Variants in SLC16A7 observed in about 807,000 individuals in gnomAD.
SLC16A7 encodes the protein solute carrier family 16 member 7, also known as monocarboxylate transporter 2.
Under a neutral mutation model 34.9 loss-of-function variants are expected in SLC16A7, and 33 were observed. That is an observed-to-expected ratio of 0.94 (90% CI 0.72 to 1.26). The LOEUF is 1.26. Among genes scored for constraint, SLC16A7 ranks in the 50% most tolerant of loss-of-function variants. The pLI, the probability that SLC16A7 is intolerant of heterozygous loss-of-function variation, is 0.00. For synonymous variants in SLC16A7, 201 were observed against 206.6 expected (o/e 0.97, Z 0.23); for missense variants, 573 against 578.1 (o/e 0.99, Z 0.09).
chr12:59,736,460 A>G (rs1428830149), intron 3 of SLC16A7, among the ~76,000 whole-genome samples: 1 of 152,152 alleles, frequency 6.6e-6, no homozygotes, highest in African/African-American at 2.4e-5. Flanking sequence ...TTGTAGGGTG[A>G]GTTCTTGTCT....
intron 2 of SLC16A7, among the ~76,000 whole-genome samples, chr12:59,681,303 G>T (rs971007254): frequency 6.6e-6 from 1 of 152,162 alleles, no homozygotes; most frequent in East Asian, 1.9e-4. Flanking sequence ...TCCCTCCTGG[G>T]CATCCATGCA....
Position 59,764,506 on chromosome 12 carries a change from C to T in SLC16A7, c.218-6713C>T, listed in dbSNP as rs1364784103. ...CCTCCCCCTCCACCACAACAGTCCCCGGTGTGTGATGTTCCCCTTCCTGTG... is the reference window on the plus strand; with the variant it reads ...CCTCCCCCTCCACCACAACAGTCCCTGGTGTGTGATGTTCCCCTTCCTGTG... On this transcript the variant is annotated intron_variant, in intron 3 of 5. Transcript: ENST00000547379. 8.2e-5 allele frequency among the ~76,000 whole-genome samples: 12 copies of T among 146,952 alleles called. No homozygotes were observed. The East Asian group carries it at 1.4e-3, about 18-fold the overall frequency.
At chr12:59,642,776 A>G (rs894534251) in intron 1 of SLC16A7, among the ~76,000 whole-genome samples, 7 of 152,118 alleles carry the variant, frequency 4.6e-5, no homozygotes, top group African/African-American at 1.4e-4. Flanking sequence ...CTAACCATCA[A>G]TTAAGATTGT....
At chr12:59,738,669 T>C (rs1877895552) in intron 3 of SLC16A7, among the ~76,000 whole-genome samples, 1 of 152,190 alleles carries the variant, frequency 6.6e-6, no homozygotes, top group Admixed American at 6.5e-5. Context: ...GACCCACAGA[T>C]GAGCTTTGCC....
intron 2 of SLC16A7, among the ~76,000 whole-genome samples, chr12:59,700,206 A>T (rs570338445): frequency 2.6e-5 from 4 of 151,710 alleles, no homozygotes; most frequent in African/African-American, 9.7e-5. Context: ...TGAAAATGTG[A>T]TCAGAGTCTC....
chr12:59,670,242 G>A (rs1869561700), intron 2 of SLC16A7, among the ~76,000 whole-genome samples: 1 of 152,064 alleles, frequency 6.6e-6, no homozygotes, highest in African/African-American at 2.4e-5. Flanking sequence ...AAGATCATCT[G>A]TCATACAGGA....
intron 1 of SLC16A7, among the ~76,000 whole-genome samples, chr12:59,648,276 C>G (rs1478690029): frequency 6.6e-6 from 1 of 152,064 alleles, no homozygotes; most frequent in Non-Finnish European, 1.5e-5. Flanking sequence ...ATCCATGTCC[C>G]TTAGCTCTAT....
chr12:59,639,763 C>A (rs952678953), intron 1 of SLC16A7, among the ~76,000 whole-genome samples: 1 of 152,152 alleles, frequency 6.6e-6, no homozygotes, highest in African/African-American at 2.4e-5. Context: ...CAACCATTCT[C>A]CAATTTTGTC....
intron 2 of SLC16A7, among the ~76,000 whole-genome samples, chr12:59,702,861 T>G (rs1301611686): frequency 6.6e-6 from 1 of 152,030 alleles, no homozygotes; most frequent in African/African-American, 2.4e-5. Context: ...TCTATTTATA[T>G]TATCTGTAGA....
intron 4 of SLC16A7, among the ~76,000 whole-genome samples, chr12:59,772,309 T>C (rs977498034): frequency 6.6e-6 from 1 of 152,162 alleles, no homozygotes; most frequent in Non-Finnish European, 1.5e-5. Flanking sequence ...GCATTTAATA[T>C]TGTAAATGAA....
At position 59,779,493 on chromosome 12, in the gene SLC16A7, A is replaced by T; in HGVS notation, c.1251A>T (p.Ala417=). ...CCTGTGGGGCTATTGTGGTAGCAGCAAGCGTGTGGCTGCTCATTGGCAATG... is the reference window on the plus strand; with the variant it reads ...CCTGTGGGGCTATTGTGGTAGCAGCTAGCGTGTGGCTGCTCATTGGCAATG... ...YMSCGAIVVA[A]SVWLLIGNAI... The change falls in exon 6 of 6, where the codon GCA becomes GCT. Residue 417 remains alanine, a synonymous_variant. Transcript: ENST00000547379. 1 of 1,609,572 alleles carries T rather than the reference A, an allele frequency of 6.2e-7. No individual in the cohort carries two copies.
At position 59,671,939 on chromosome 12, in the gene SLC16A7, A is replaced by ATATATGTG. The variant is rs1338620396; in HGVS notation, c.-31+16695_-31+16702dup. On this transcript the variant is annotated intron_variant, in intron 2 of 5. Transcript: ENST00000547379. ...TATATATGTATATATCCATATATGT[A>ATATATGTG]TATATGTGTATATATGTATATATGT... Among the ~76,000 whole-genome samples, 2 of 8,852 alleles carry ATATATGTG rather than the reference A, an allele frequency of 2.3e-4. 1 individual carries two copies. The highest frequency in any genetic ancestry group is 4.6e-4 in the Non-Finnish European group (2 of 4,382). The allele number at this position is 8,852 out of a possible 152,430, so 5.8% of individuals were successfully genotyped here. A position where few individuals can be genotyped will look rare whatever the true frequency, so the allele number is the denominator to read the frequency against.
At chr12:59,762,514 G>C (rs1284378491) in intron 3 of SLC16A7, among the ~76,000 whole-genome samples, 1 of 151,888 alleles carries the variant, frequency 6.6e-6, no homozygotes, top group African/African-American at 2.4e-5. Flanking sequence ...TGTCCGTAAG[G>C]GACATATTCA....
chr12:59,771,507 A>G lies in SLC16A7; in HGVS notation c.361+145A>G, dbSNP rs561524472. 4.9e-4 allele frequency: 244 copies of G among 501,890 alleles called. No individual in the cohort carries two copies. The highest frequency in any genetic ancestry group is 4.6e-3 in the African/African-American group (230 of 50,070). 31.1% of individuals were successfully genotyped at this position (501,890 alleles called of 1,614,324 possible). ...GTTTTAAAATATTTTCATCTAGTACATTGAAATTCAAGCTATATAATGGGC... is the reference window on the plus strand; with the variant it reads ...GTTTTAAAATATTTTCATCTAGTACGTTGAAATTCAAGCTATATAATGGGC... On this transcript the variant is annotated intron_variant, in intron 4 of 5. Coordinates refer to ENST00000547379, the MANE Select transcript of SLC16A7 (RefSeq NM_001270623.2).
rs770958374 is a variant in SLC16A7, at chr12:59,735,918, T to C, written c.217+30900T>C. The C allele has an allele frequency of 4.0e-6, 5 of 1,243,992 alleles. No individual in the cohort carries two copies. The South Asian group carries it at 6.8e-5, about 17-fold the overall frequency. The allele number at this position is 1,243,992 out of a possible 1,614,324, so 77.1% of individuals were successfully genotyped here. A position where few individuals can be genotyped will look rare whatever the true frequency, so the allele number is the denominator to read the frequency against. On this transcript the variant is annotated intron_variant, in intron 3 of 5. Transcript: ENST00000547379. ...GCCCCTAACAGATATAAATTCTCTA[T>C]GACTTTGATAGGAAAAAAGGAGAAG...
At chr12:59,748,045 A>C (rs1879084710) in intron 3 of SLC16A7, among the ~76,000 whole-genome samples, 1 of 152,106 alleles carries the variant, frequency 6.6e-6, no homozygotes, top group Non-Finnish European at 1.5e-5. Context: ...TCTACTAAAA[A>C]TACAAAAATT....
chr12:59,666,801 C>G (rs779096805), intron 2 of SLC16A7, among the ~76,000 whole-genome samples: 2 of 152,094 alleles, frequency 1.3e-5, no homozygotes, highest in Non-Finnish European at 2.9e-5. Flanking sequence ...TAAGAACAGA[C>G]TAATATAGCA....
chr12:59,631,118 T>C (rs996724029), intron 1 of SLC16A7, among the ~76,000 whole-genome samples: 1 of 151,940 alleles, frequency 6.6e-6, no homozygotes, highest in African/African-American at 2.4e-5. Flanking sequence ...ATCAATTTGG[T>C]ATCCTGAAGA....
intron 3 of SLC16A7, among the ~76,000 whole-genome samples, chr12:59,728,717 C>G (rs1479167793): frequency 6.6e-6 from 1 of 152,148 alleles, no homozygotes; most frequent in Non-Finnish European, 1.5e-5. Context: ...AGAACAAGAT[C>G]TTTTCTCTTA....
Sources: allele counts gnomAD v4.1 joint callset (sites outside exome capture counted in the v4.1 genomes callset), GRCh38; gene constraint gnomAD v4.1.1; transcripts MANE v1.5; gene names NCBI Gene and HGNC (gene_info 2026-07-23, HGNC 2026-07-21).